PPP6R3: variants seen among roughly 807,000 people sequenced by gnomAD.
The protein encoded by PPP6R3 is protein phosphatase 6 regulatory subunit 3, also known as serine/threonine-protein phosphatase 6 regulatory subunit 3.
PPP6R3 carries 38 observed loss-of-function variants against 110.7 expected under a neutral mutation model. That is an observed-to-expected ratio of 0.34 (90% CI 0.26 to 0.45). The LOEUF is 0.45. PPP6R3 is among the 20% of genes least tolerant of loss of function. PPP6R3 has a pLI of 1.00. For synonymous variants in PPP6R3, 369 were observed against 373.5 expected, an observed-to-expected ratio of 0.99 and a Z score of 0.14; for missense variants, 870 against 1,062.4, an observed-to-expected ratio of 0.82 and a Z score of 2.52.
intron 12 of PPP6R3, chr11:68,571,308 G>T (rs909525236): frequency 4.3e-6 from 3 of 702,742 alleles, no homozygotes; most frequent in Non-Finnish European, 6.3e-6. Context: ...TGTTTTTGGG[G>T]CAAAACAAGT....
At chr11:68,569,188 T>C (rs2099492369) in intron 10 of PPP6R3, among the ~76,000 whole-genome samples, 1 of 152,200 alleles carries the variant, frequency 6.6e-6, no homozygotes, top group Non-Finnish European at 1.5e-5. Flanking sequence ...TGTTTGTTGT[T>C]GGTTTTTTAC....
At chr11:68,495,952 A>G (rs1472708227) in intron 1 of PPP6R3, among the ~76,000 whole-genome samples, 2 of 152,138 alleles carry the variant, frequency 1.3e-5, no homozygotes. Flanking sequence ...CCCACCAGCA[A>G]TGTGTAAGGA....
At chr11:68,542,484 C>T (rs1012682208) in intron 3 of PPP6R3, among the ~76,000 whole-genome samples, 15 of 145,416 alleles carry the variant, frequency 1.0e-4, no homozygotes, top group African/African-American at 3.8e-4. Flanking sequence ...ACCTCTGCCT[C>T]CCAGGTTCAA....
intron 1 of PPP6R3, among the ~76,000 whole-genome samples, chr11:68,467,802 T>G (rs1032907808): frequency 3.9e-5 from 6 of 152,224 alleles, no homozygotes; most frequent in Non-Finnish European, 7.3e-5. Flanking sequence ...TGAGATGGAC[T>G]CTCAGTCTGT....
intron 1 of PPP6R3, among the ~76,000 whole-genome samples, chr11:68,498,602 C>T (rs140439330): frequency 9.0e-4 from 137 of 152,316 alleles, no homozygotes; most frequent in Non-Finnish European, 1.1e-3. Flanking sequence ...TAGAGTCTTA[C>T]AGTAGGTACT....
At chr11:68,526,723 C>T (rs1479039086) in intron 2 of PPP6R3, among the ~76,000 whole-genome samples, 2 of 152,148 alleles carry the variant, frequency 1.3e-5, no homozygotes, top group African/African-American at 2.4e-5. Flanking sequence ...CTTGCCTTTC[C>T]CCACACAACC....
intron 17 of PPP6R3, among the ~76,000 whole-genome samples, chr11:68,591,340 GAT>G (rs2099594783): frequency 1.3e-5 from 2 of 152,158 alleles, no homozygotes; most frequent in African/African-American, 4.8e-5. Flanking sequence ...GATGAAAGAG[GAT>G]ATGGTCTATG....
At chr11:68,568,910 G>A (rs1009896721) in intron 10 of PPP6R3, among the ~76,000 whole-genome samples, 3 of 151,862 alleles carry the variant, frequency 2.0e-5, no homozygotes, top group Admixed American at 1.3e-4. Context: ...GGCCACAGGC[G>A]CCCGCCACCA....
At chr11:68,513,813 TTGTG>T (rs2099122496) in intron 1 of PPP6R3, among the ~76,000 whole-genome samples, 1 of 152,252 alleles carries the variant, frequency 6.6e-6, no homozygotes, top group South Asian at 2.1e-4. Context: ...AGTGTTGACT[TTGTG>T]TGTAAGCGTT....
chr11:68,610,314 CTTG>C (rs1048953680), intron 23 of PPP6R3, among the ~76,000 whole-genome samples: 41 of 152,166 alleles, frequency 2.7e-4, no homozygotes, highest in African/African-American at 8.7e-4. Context: ...TCTCCTCACC[CTTG>C]TTGTTGAGGT....
At chr11:68,491,140 T>G (rs904075577) in intron 1 of PPP6R3, among the ~76,000 whole-genome samples, 1 of 152,078 alleles carries the variant, frequency 6.6e-6, no homozygotes, top group African/African-American at 2.4e-5. Context: ...TGAGCCTTGT[T>G]TGTGTCACTG....
At chr11:68,565,510 T>G (rs2099459587) in intron 9 of PPP6R3, among the ~76,000 whole-genome samples, 1 of 150,708 alleles carries the variant, frequency 6.6e-6, no homozygotes, top group Non-Finnish European at 1.5e-5. Context: ...AAAAACAGAG[T>G]AAGGAAAGAA....
chr11:68,541,483 G>T (rs1284012883), intron 3 of PPP6R3, among the ~76,000 whole-genome samples: 5 of 146,772 alleles, frequency 3.4e-5, no homozygotes, highest in Admixed American at 1.4e-4. Flanking sequence ...TGACTATGAG[G>T]ATTTTGGCCT....
At chr11:68,585,301 C>CT in intron 15 of PPP6R3, among the ~76,000 whole-genome samples, 1 of 152,348 alleles carries the variant, frequency 6.6e-6, no homozygotes, top group South Asian at 2.1e-4. Context: ...CTCTGAAACA[C>CT]TGACTCATCA....
chr11:68,545,280 A>C, intron 4 of PPP6R3, among the ~76,000 whole-genome samples: 1 of 152,244 alleles, frequency 6.6e-6, no homozygotes, highest in East Asian at 1.9e-4. Context: ...TGGGTAGAAG[A>C]TGAGAATATT....
intron 11 of PPP6R3, 85 bp from the exon 12 acceptor site, chr11:68,570,955 A>G (rs1028820184): frequency 1.4e-5 from 20 of 1,478,124 alleles, no homozygotes; most frequent in Non-Finnish European, 1.7e-5. Flanking sequence ...GCATACTACT[A>G]TTCTCTTTAA....
At chr11:68,519,477 T>G (rs2099153285) in intron 1 of PPP6R3, 24 bp from the exon 2 acceptor site, 1 of 397,060 alleles carries the variant, frequency 2.5e-6, no homozygotes. Flanking sequence ...TATGTGATTA[T>G]CTGCTTTTTT....
chr11:68,556,178 T>C (rs1172940663), intron 7 of PPP6R3, among the ~76,000 whole-genome samples: 1 of 152,188 alleles, frequency 6.6e-6, no homozygotes, highest in African/African-American at 2.4e-5. Context: ...TAACCCACAG[T>C]GTGGACTCCA....
chr11:68,535,799 T>TA (rs1269536453), intron 2 of PPP6R3, among the ~76,000 whole-genome samples: 5,577 of 78,342 alleles, frequency 0.071, 504 homozygotes, highest in African/African-American at 0.22. Flanking sequence ...CCGTCTCTAC[T>TA]AAAAAAAAAA....
Sources: gnomAD v4.1 joint callset for allele counts (sites outside exome capture counted in the v4.1 genomes callset) on GRCh38, gnomAD v4.1.1 for gene constraint, MANE v1.5 for transcripts, NCBI Gene and HGNC (gene_info 2026-07-23, HGNC 2026-07-21) for gene names.